The following CACNG7 variants were observed in gnomAD, a reference collection of about 807,000 sequenced individuals.
CACNG7 encodes the protein voltage-dependent calcium channel gamma-7 subunit.
Under a neutral mutation model 26.3 loss-of-function variants are expected in CACNG7, and 9 were observed. That is an observed-to-expected ratio of 0.34 (90% CI 0.21 to 0.60). CACNG7 has a LOEUF of 0.60. Among genes scored for constraint, CACNG7 ranks in the 20% least tolerant of loss-of-function variants. CACNG7 has a pLI of 0.81. For synonymous variants in CACNG7, 170 were observed against 157.0 expected, an observed-to-expected ratio of 1.08 and a Z score of -0.62; for missense variants, 297 against 380.4, an observed-to-expected ratio of 0.78 and a Z score of 1.82.
chr19:53,924,688 G>GTCTGGTATTGGTGGAGTTGCCCCAGT (rs1417710039), intron 4 of CACNG7, among the ~76,000 whole-genome samples: 3 of 150,308 alleles, frequency 2.0e-5, no homozygotes, highest in African/African-American at 7.4e-5. Context: ...GTTGCCCCAG[G>GTCTGGTATTGGTGGAGTTGCCCCAGT]TCTGGTATTG....
At chr19:53,934,185 C>T (rs1011442949) in intron 4 of CACNG7, among the ~76,000 whole-genome samples, 5 of 152,236 alleles carry the variant, frequency 3.3e-5, no homozygotes, top group African/African-American at 9.6e-5. Context: ...GCGTGAGCCA[C>T]TGCTCCCAGC....
In CACNG7 at chr19:53,939,613, C is replaced by G. The variant is rs1370925344; in HGVS notation, c.425-1857C>G. ...GGTAGCATGAATCAGTATATCGTTC[C>G]CTTTTTTGGCTGAATAGTATTCCTG... is the stretch of plus-strand genomic sequence containing the variant. On this transcript the variant is annotated intron_variant, in intron 4 of 5. Transcript: ENST00000391767. The surrounding 1 kb of genome is among the most constrained non-coding windows in gnomAD (Gnocchi z 4.2). Among the ~76,000 whole-genome samples, 2 of 152,146 alleles carry G rather than the reference C, an allele frequency of 1.3e-5. No individual in the cohort carries two copies. Among genetic ancestry groups the G allele is most frequent in the African/African-American group, 4.8e-5 (2 of 41,424 alleles).
At position 53,929,214 on chromosome 19, in the gene CACNG7, AG is replaced by A. The variant is rs567462535; in HGVS notation, c.425-12255del. On this transcript the variant is annotated intron_variant, in intron 4 of 5. Coordinates refer to ENST00000391767, the MANE Select transcript of CACNG7 (RefSeq NM_031896.5). ...GGTTAGATTTATGAGGAATTCAGGA[AG>A]TAAAGCAGACATAATTTGATTGTCC... Among the ~76,000 whole-genome samples the A allele has an allele frequency of 3.8e-3, 585 of 152,008 alleles. 5 individuals carry two copies. Among genetic ancestry groups the A allele is most frequent in the African/African-American group, 0.014 (565 of 41,442 alleles).
intron 4 of CACNG7, among the ~76,000 whole-genome samples, chr19:53,929,917 A>G (rs899160395): frequency 1.3e-5 from 2 of 152,184 alleles, no homozygotes; most frequent in African/African-American, 4.8e-5. Flanking sequence ...TTCTTCATCC[A>G]TTCAAAGAGA....
At chr19:53,932,687 G>A (rs1004763152) in intron 4 of CACNG7, among the ~76,000 whole-genome samples, 1 of 151,964 alleles carries the variant, frequency 6.6e-6, no homozygotes, top group East Asian at 1.9e-4. Flanking sequence ...AACCTAAAAC[G>A]GTCCCTCTCC....
At chr19:53,916,285 C>T (rs115326723) in intron 4 of CACNG7, among the ~76,000 whole-genome samples, 3,366 of 152,122 alleles carry the variant, frequency 0.022, 76 homozygotes, top group South Asian at 0.11. Flanking sequence ...GATCTCACAC[C>T]CGTCTCCTAA....
chr19:53,918,309 T>C (rs923777742), intron 4 of CACNG7, among the ~76,000 whole-genome samples: 1 of 152,250 alleles, frequency 6.6e-6, no homozygotes, highest in Non-Finnish European at 1.5e-5. Context: ...GGTTCTCCGA[T>C]GCAACTATTC....
At chr19:53,926,934 G>A (rs1440046980) in intron 4 of CACNG7, among the ~76,000 whole-genome samples, 1 of 152,056 alleles carries the variant, frequency 6.6e-6, no homozygotes, top group East Asian at 1.9e-4. Context: ...GAGTGAGGGG[G>A]ATGCTGAGAC....
chr19:53,930,510 T>C (rs1321840463), intron 4 of CACNG7, among the ~76,000 whole-genome samples: 2 of 152,134 alleles, frequency 1.3e-5, no homozygotes, highest in African/African-American at 2.4e-5. Flanking sequence ...GTAGCTGGGA[T>C]TGCAGGTGCC....
chr19:53,924,495 G>A (rs2069004844), intron 4 of CACNG7, among the ~76,000 whole-genome samples: 1 of 147,648 alleles, frequency 6.8e-6, no homozygotes, highest in Admixed American at 6.8e-5. Context: ...TATTGGTGGA[G>A]TTGTCCCCAG....
At chr19:53,919,587 C>A (rs2145901825) in intron 4 of CACNG7, among the ~76,000 whole-genome samples, 1 of 134,926 alleles carries the variant, frequency 7.4e-6, no homozygotes, top group South Asian at 2.4e-4. Flanking sequence ...GGACTTGCCC[C>A]AGGCTGGTCA....
rs192656250 is a variant in CACNG7 at position 53,940,368 on chromosome 19, A to G, written c.425-1102A>G. Among the ~76,000 whole-genome samples the G allele has an allele frequency of 6.6e-6, 1 of 152,272 alleles. No homozygotes were observed. The highest frequency in any genetic ancestry group is 1.5e-5 in the Non-Finnish European group (1 of 68,032). On this transcript the variant is annotated intron_variant, in intron 4 of 5. Transcript: ENST00000391767. This position sits in a 1 kb window ranked among gnomAD's most constrained non-coding sequence, Gnocchi z 4.1. ...GTGCCTGGCACAGACCAAGACCTAT[A>G]TAAGTCGTTGCTATTATTATTGCTA... is the stretch of plus-strand genomic sequence containing the variant.
chr19:53,933,466 A>G (rs1211770069), intron 4 of CACNG7, among the ~76,000 whole-genome samples: 1 of 150,752 alleles, frequency 6.6e-6, no homozygotes, highest in Non-Finnish European at 1.5e-5. Context: ...CACCTGGCTA[A>G]TTTTTGTATT....
chr19:53,914,871 G>A (rs563946351), intron 3 of CACNG7, among the ~76,000 whole-genome samples: 41 of 152,000 alleles, frequency 2.7e-4, no homozygotes, highest in African/African-American at 9.2e-4. Flanking sequence ...GCGTGGTGGC[G>A]CGTGCCTGTA....
intron 3 of CACNG7, 72 bp downstream of exon 3, chr19:53,914,658 G>A: frequency 2.2e-6 from 3 of 1,356,530 alleles, no homozygotes; most frequent in Non-Finnish European, 3.2e-6. Context: ...CTGGGAGGGG[G>A]CAGGACTAGG....
intron 4 of CACNG7, among the ~76,000 whole-genome samples, chr19:53,916,230 G>GT (rs200658055): frequency 8.6e-5 from 13 of 151,506 alleles, no homozygotes; most frequent in East Asian, 1.9e-4. Flanking sequence ...TTTGTTTACA[G>GT]TTTTTTTTTC....
rs1232154976 is a variant in CACNG7 at position 53,921,276 on chromosome 19, G to C, written c.424+5771G>C. Among the ~76,000 whole-genome samples, 60 of 136,430 alleles carry C rather than the reference G, an allele frequency of 4.4e-4. 1 individual carries two copies. Among genetic ancestry groups the C allele is most frequent in the Non-Finnish European group, 6.1e-5 (4 of 65,806 alleles). 89.5% of individuals were successfully genotyped at this position (136,430 alleles called of 152,430 possible). A position where few individuals can be genotyped will look rare whatever the true frequency, so the allele number is the denominator to read the frequency against. On this transcript the variant is annotated intron_variant, in intron 4 of 5. Coordinates refer to ENST00000391767, the MANE Select transcript of CACNG7 (RefSeq NM_031896.5). Reference sequence around the variant, plus strand: ...GGAGTTGCCCCAGGTCTGGTCATTGGTGGAGTTGCCTCAGGTCTGGTCATT... The same window carrying C: ...GGAGTTGCCCCAGGTCTGGTCATTGCTGGAGTTGCCTCAGGTCTGGTCATT...
intron 4 of CACNG7, among the ~76,000 whole-genome samples, chr19:53,921,605 G>C (rs2068953675): frequency 1.3e-5 from 1 of 76,416 alleles, no homozygotes; most frequent in Admixed American, 1.2e-4. Flanking sequence ...TGGTGGAGTC[G>C]TCCCCAGGTC....
In CACNG7 at chr19:53,942,358, T is replaced by C. The variant is rs2069143968; in HGVS notation, c.*65T>C. On this transcript the variant is annotated 3_prime_UTR_variant, in exon 6 of 6. Transcript: ENST00000391767. The surrounding 1 kb of genome is among the most constrained non-coding windows in gnomAD (Gnocchi z 5.9). Reference sequence around the variant, plus strand: ...TCGTCTTAGGGGGGTCTCCCTGCAATGCAGCGCCCCCTTCCGTCCTCGGGA... The same window carrying C: ...TCGTCTTAGGGGGGTCTCCCTGCAACGCAGCGCCCCCTTCCGTCCTCGGGA... 1 of 1,548,234 alleles carries C rather than the reference T, an allele frequency of 6.5e-7. No homozygotes were observed. Among genetic ancestry groups the C allele is most frequent in the Non-Finnish European group, 8.7e-7 (1 of 1,147,766 alleles).
Sources: allele counts gnomAD v4.1 joint callset (sites outside exome capture counted in the v4.1 genomes callset), GRCh38; gene constraint gnomAD v4.1.1; non-coding constraint Gnocchi (gnomAD v3.1); transcripts MANE v1.5; gene names NCBI Gene and HGNC (gene_info 2026-07-23, HGNC 2026-07-21).